PTPRQ: variants seen among roughly 807,000 people sequenced by gnomAD.
PTPRQ encodes phosphatidylinositol phosphatase PTPRQ.
In PTPRQ, 199 loss-of-function variants were observed where a neutral mutation model predicts 246.0. The observed-to-expected ratio is 0.81, with a 90% CI of 0.72 to 0.91. The LOEUF (loss-of-function observed/expected upper bound fraction) is 0.91. PTPRQ is among the 40% of genes least tolerant of loss of function. PTPRQ has a pLI of 0.00. For missense variants in PTPRQ, 2,624 were observed against 2,528.4 expected (o/e 1.04, Z -0.81); for synonymous variants, 869 against 853.2 (o/e 1.02, Z -0.32).
At chr12:80,659,099 C>T (rs1028078505) in intron 39 of PTPRQ, among the ~76,000 whole-genome samples, 1 of 152,006 alleles carries the variant, frequency 6.6e-6, no homozygotes, top group Non-Finnish European at 1.5e-5. Flanking sequence ...GACTTTAAGA[C>T]TTTTTAACCA....
rs1292388000 is a variant in PTPRQ, at chr12:80,444,286, AG to A, written c.-58del. 1.2e-6 allele frequency: 1 copy of A among 845,100 alleles called. No individual in the cohort carries two copies. Among genetic ancestry groups the A allele is most frequent in the African/African-American group, 1.7e-5 (1 of 57,978 alleles). The allele number at this position is 845,100 out of a possible 1,614,324, so 52.4% of individuals were successfully genotyped here. A position where few individuals can be genotyped will look rare whatever the true frequency, so the allele number is the denominator to read the frequency against. On this transcript the variant is annotated 5_prime_UTR_variant, in exon 1 of 45. It introduces an in-frame stop codon into an upstream open reading frame of the 5' UTR. Transcript: ENST00000644991. ...GGATCTGTCTTTAAATCATTAATGC[AG>A]GCAACATTTCTCTCTAGAGCCATCA...
In PTPRQ at chr12:80,620,212, A is replaced by G; in HGVS notation, c.5448A>G (p.Pro1816=). The G allele has an allele frequency of 6.5e-7, 1 of 1,549,284 alleles. No individual in the cohort carries two copies. Among genetic ancestry groups the G allele is most frequent in the Non-Finnish European group, 8.7e-7 (1 of 1,145,344 alleles). ...ATGCATATTTTAATAAAGCAAGGCC[A>G]TATTTTACAAATGAAGGCTTTCCTA... ...WYDAYFNKAR[P]YFTNEGFPNP... The change falls in exon 32 of 45, where the codon CCA becomes CCG. Residue 1816 remains proline, a synonymous_variant. Coordinates refer to ENST00000644991, the MANE Select transcript of PTPRQ (RefSeq NM_001145026.2).
intron 38 of PTPRQ, among the ~76,000 whole-genome samples, chr12:80,654,923 T>C (rs1386976138): frequency 1.3e-5 from 2 of 151,978 alleles, no homozygotes; most frequent in African/African-American, 4.8e-5. Flanking sequence ...AATTCAAATA[T>C]GTCTAACTTA....
chr12:80,559,926 C>G (rs1945667070), intron 25 of PTPRQ, among the ~76,000 whole-genome samples: 1 of 152,208 alleles, frequency 6.6e-6, no homozygotes, highest in South Asian at 2.1e-4. Context: ...CAACCACAGG[C>G]TACTTTCTGT....
At chr12:80,593,465 G>A (rs926280710) in intron 26 of PTPRQ, among the ~76,000 whole-genome samples, 4 of 152,120 alleles carry the variant, frequency 2.6e-5, no homozygotes, top group African/African-American at 7.2e-5. Flanking sequence ...GTGTACACCT[G>A]TAAAACAGAA....
intron 3 of PTPRQ, among the ~76,000 whole-genome samples, chr12:80,448,417 A>C (rs899341193): frequency 1.3e-5 from 2 of 152,154 alleles, no homozygotes; most frequent in African/African-American, 4.8e-5. Context: ...GTACATGTGC[A>C]CAATGTGCAG....
intron 8 of PTPRQ, among the ~76,000 whole-genome samples, chr12:80,481,851 A>C (rs11114476): frequency 0.22 from 33,201 of 151,818 alleles, 4,086 homozygotes; most frequent in African/African-American, 0.31. Flanking sequence ...GAGAACTACA[A>C]ACCGCTGCTC....
intron 18 of PTPRQ, among the ~76,000 whole-genome samples, chr12:80,534,655 G>C (rs1051702994): frequency 1.3e-5 from 2 of 151,968 alleles, no homozygotes; most frequent in African/African-American, 4.8e-5. Context: ...TTAGAACGGA[G>C]ATAGTATTTT....
intron 38 of PTPRQ, among the ~76,000 whole-genome samples, chr12:80,654,418 T>C (rs1481774492): frequency 1.3e-5 from 2 of 152,212 alleles, no homozygotes; most frequent in Admixed American, 1.3e-4. Flanking sequence ...GACATTCCCA[T>C]GTCTTTATAT....
At chr12:80,541,509 T>G in intron 20 of PTPRQ, 46 bp from the exon 21 acceptor site, 1 of 1,376,806 alleles carries the variant, frequency 7.3e-7, no homozygotes, top group Non-Finnish European at 9.5e-7. Context: ...TAGATTCTGT[T>G]TAGGGTAACT....
intron 25 of PTPRQ, among the ~76,000 whole-genome samples, chr12:80,582,485 C>A (rs552712696): frequency 4.6e-5 from 7 of 152,066 alleles, no homozygotes; most frequent in Admixed American, 1.3e-4. Context: ...AGGGTAGAAC[C>A]CTCATGAATG....
At chr12:80,477,577 C>G (rs572891283) in intron 8 of PTPRQ, among the ~76,000 whole-genome samples, 6 of 152,154 alleles carry the variant, frequency 3.9e-5, no homozygotes, top group Admixed American at 3.3e-4. Flanking sequence ...CCAGCGTGAA[C>G]GACGCAGAAG....
At position 80,539,834 on chromosome 12, in the gene PTPRQ, T is replaced by C; in HGVS notation, c.3044T>C (p.Ile1015Thr). 1 of 1,548,788 alleles carries C rather than the reference T, an allele frequency of 6.5e-7. No homozygotes were observed. The highest frequency in any genetic ancestry group is 8.7e-7 in the Non-Finnish European group (1 of 1,145,812). Residue 1015 changes from isoleucine to threonine, a missense_variant, in exon 20 of 45, where the codon ATA becomes ACA. Physicochemically the swap from Ile to Thr is moderately conservative, Grantham distance 89 (BLOSUM62 -1). Coordinates refer to ENST00000644991, the MANE Select transcript of PTPRQ (RefSeq NM_001145026.2). The stretch of plus-strand genomic sequence containing the variant: ...GACAATATGACTGTATCCACAATTA[T>C]AGATAAACTGACAATATTCAGCTAC... ...DFDNMTVSTI[I>T]DKLTIFSYYT...
intron 17 of PTPRQ, among the ~76,000 whole-genome samples, chr12:80,513,622 G>A (rs1319420032): frequency 2.6e-5 from 4 of 152,058 alleles, no homozygotes; most frequent in Non-Finnish European, 5.9e-5. Flanking sequence ...AAACAAGCCC[G>A]GGTGTGGGGC....
At chr12:80,479,794 T>C (rs893152655) in intron 8 of PTPRQ, among the ~76,000 whole-genome samples, 5 of 152,038 alleles carry the variant, frequency 3.3e-5, no homozygotes, top group Admixed American at 6.5e-5. Flanking sequence ...CATTACATAA[T>C]GGTAAAGGGA....
chr12:80,498,577 G>C (rs993591798), intron 14 of PTPRQ, among the ~76,000 whole-genome samples: 1 of 152,050 alleles, frequency 6.6e-6, no homozygotes, highest in African/African-American at 2.4e-5. Context: ...CCATCTGACT[G>C]TAAAACCCAT....
chr12:80,503,129 C>T (rs934692203), intron 14 of PTPRQ, among the ~76,000 whole-genome samples: 11 of 151,782 alleles, frequency 7.2e-5, no homozygotes, highest in East Asian at 1.9e-4. Flanking sequence ...TACACCCTAT[C>T]GTTAGTGAGA....
intron 43 of PTPRQ, among the ~76,000 whole-genome samples, chr12:80,677,585 A>G (rs1241812888): frequency 6.6e-6 from 1 of 152,212 alleles, no homozygotes; most frequent in Non-Finnish European, 1.5e-5. Flanking sequence ...AGTGAATATG[A>G]CAGAGTTCTG....
chr12:80,607,203 A>G (rs1415694430), intron 27 of PTPRQ, among the ~76,000 whole-genome samples: 5 of 151,024 alleles, frequency 3.3e-5, no homozygotes, highest in African/African-American at 1.2e-4. Context: ...AAGAAATCTA[A>G]GGAACAGAGA....
Sources: gnomAD v4.1 joint callset for allele counts (sites outside exome capture counted in the v4.1 genomes callset) on GRCh38, gnomAD v4.1.1 for gene constraint, MANE v1.5 for transcripts, NCBI Gene and HGNC (gene_info 2026-07-23, HGNC 2026-07-21) for gene names.